CHODL: variants seen among roughly 807,000 people sequenced by gnomAD.
The protein encoded by CHODL is transmembrane protein MT75.
CHODL carries 29 observed loss-of-function variants against 34.5 expected under a neutral mutation model. The ratio of observed to expected loss-of-function variants is 0.84; its 90% confidence interval spans 0.63 to 1.15. CHODL has a LOEUF of 1.15. Ranked by LOEUF, CHODL falls within the 50% of genes most tolerant of loss-of-function variation. CHODL has a pLI of 0.00. For synonymous variants in CHODL, 125 were observed against 116.1 expected (o/e 1.08, Z -0.49); for missense variants, 332 against 332.5 (o/e 1.00, Z 0.01).
intron 2 of CHODL, among the ~76,000 whole-genome samples, chr21:18,141,460 A>G (rs1437058947): frequency 1.3e-5 from 2 of 152,080 alleles, no homozygotes; most frequent in African/African-American, 4.8e-5. Context: ...CTGAGTGTCC[A>G]AATCTTAGTG....
chr21:18,201,629 G>A (rs1284735676), intron 2 of CHODL, among the ~76,000 whole-genome samples: 1 of 151,970 alleles, frequency 6.6e-6, no homozygotes, highest in Non-Finnish European at 1.5e-5. Context: ...GTGAACAACT[G>A]ACATAATGAA....
intron 2 of CHODL, among the ~76,000 whole-genome samples, chr21:18,062,457 C>T: frequency 8.5e-6 from 1 of 117,086 alleles, no homozygotes; most frequent in East Asian, 2.0e-4. Flanking sequence ...GATCCTCCCA[C>T]CCTGGCCTCT....
At chr21:18,106,858 G>A (rs2146553802) in intron 2 of CHODL, among the ~76,000 whole-genome samples, 1 of 152,280 alleles carries the variant, frequency 6.6e-6, no homozygotes, top group East Asian at 1.9e-4. Context: ...AACACCAAAG[G>A]AGTCTTGGTT....
chr21:18,214,317 TTAAG>T (rs1332613341), intron 2 of CHODL, among the ~76,000 whole-genome samples: 2 of 152,130 alleles, frequency 1.3e-5, no homozygotes, highest in Non-Finnish European at 2.9e-5. Context: ...TCTCGTTACT[TTAAG>T]TAGTAATTAT....
intron 2 of CHODL, among the ~76,000 whole-genome samples, chr21:18,083,307 A>G (rs2064964535): frequency 1.3e-5 from 2 of 152,376 alleles, no homozygotes; most frequent in South Asian, 4.1e-4. Flanking sequence ...GATGTACGGA[A>G]AAGCCTGTAT....
intron 1 of CHODL, among the ~76,000 whole-genome samples, chr21:17,999,189 T>G (rs2063881340): frequency 6.6e-6 from 1 of 152,206 alleles, no homozygotes; most frequent in Non-Finnish European, 1.5e-5. Context: ...TGCTAAAACA[T>G]AACAAGAATC....
intron 1 of CHODL, among the ~76,000 whole-genome samples, chr21:17,977,512 A>C (rs1332155638): frequency 4.7e-5 from 7 of 150,244 alleles, no homozygotes; most frequent in Non-Finnish European, 1.0e-4. Context: ...AATATGCGCC[A>C]CTGCGCCCAG....
At chr21:18,064,103 C>T (rs749658777) in intron 2 of CHODL, among the ~76,000 whole-genome samples, 1 of 152,106 alleles carries the variant, frequency 6.6e-6, no homozygotes, top group Non-Finnish European at 1.5e-5. Flanking sequence ...CTTTTAAGAG[C>T]CTTTCTTTGT....
At chr21:18,206,792 T>G (rs60776643) in intron 2 of CHODL, among the ~76,000 whole-genome samples, 1 of 151,624 alleles carries the variant, frequency 6.6e-6, no homozygotes, top group South Asian at 2.1e-4. Flanking sequence ...TTACTTTTAA[T>G]TTTTTGTCTA....
At chr21:18,118,215 G>A (rs1329105847) in intron 2 of CHODL, among the ~76,000 whole-genome samples, 1 of 152,120 alleles carries the variant, frequency 6.6e-6, no homozygotes, top group Non-Finnish European at 1.5e-5. Flanking sequence ...CTCAGTAAAT[G>A]TTTATTGAGC....
intron 1 of CHODL, among the ~76,000 whole-genome samples, chr21:17,944,841 G>A (rs1297741273): frequency 6.6e-6 from 1 of 152,166 alleles, no homozygotes; most frequent in African/African-American, 2.4e-5. Flanking sequence ...CCAGGAGAAG[G>A]GGCTGTCTTT....
At chr21:18,066,234 A>C (rs1394367876) in intron 2 of CHODL, among the ~76,000 whole-genome samples, 1 of 152,166 alleles carries the variant, frequency 6.6e-6, no homozygotes, top group Non-Finnish European at 1.5e-5. Context: ...TTGTTCCATA[A>C]ATAAGGAACA....
At chr21:17,972,062 A>C (rs1395222433) in intron 1 of CHODL, among the ~76,000 whole-genome samples, 1 of 152,224 alleles carries the variant, frequency 6.6e-6, no homozygotes, top group East Asian at 1.9e-4. Flanking sequence ...GACAAAGACC[A>C]CATGATTATC....
At chr21:18,200,627 G>A (rs918687864) in intron 2 of CHODL, among the ~76,000 whole-genome samples, 3 of 152,128 alleles carry the variant, frequency 2.0e-5, no homozygotes, top group Non-Finnish European at 4.4e-5. Flanking sequence ...TGGAAAAAAA[G>A]ATTGAAGCAG....
In CHODL at chr21:18,256,967, C is replaced by T. The variant is rs1314044010; in HGVS notation, c.390-3C>T. The T allele has an allele frequency of 6.2e-7, 1 of 1,610,536 alleles. No individual in the cohort carries two copies. The highest frequency in any genetic ancestry group is 2.2e-5 in the East Asian group (1 of 44,858). On this transcript the variant is annotated splice_polypyrimidine_tract_variant and splice_region_variant and intron_variant, in intron 2 of 5. Transcript: ENST00000299295. ...GAGTGTTCCTATTACTCTCTGTTTGCAGAAACTGGTACACAGATGAACCTT... is the reference window on the plus strand; with the variant it reads ...GAGTGTTCCTATTACTCTCTGTTTGTAGAAACTGGTACACAGATGAACCTT...
At chr21:18,250,739 AG>A (rs1488783954) in intron 1 of CHODL, among the ~76,000 whole-genome samples, 2 of 151,802 alleles carry the variant, frequency 1.3e-5, no homozygotes, top group African/African-American at 2.4e-5. Context: ...TGTGATTGTG[AG>A]GGGGGTAAGA....
chr21:17,963,510 T>G (rs947885756), intron 1 of CHODL, among the ~76,000 whole-genome samples: 1 of 152,190 alleles, frequency 6.6e-6, no homozygotes, highest in African/African-American at 2.4e-5. Flanking sequence ...AGATAGCATA[T>G]GCAGGGGAAC....
rs1288728749 is a variant in CHODL, at chr21:18,101,676, C to G, written c.-45+73705C>G. Among the ~76,000 whole-genome samples the G allele has an allele frequency of 2.0e-5, 3 of 151,018 alleles. No homozygotes were observed. In the East Asian group the frequency reaches 5.8e-4, roughly 29 times the overall value. ...GAAAGGTAAGTGTTGAAGCCAGTAG[C>G]TGCATTTTCAGTATGACAATCTATT... is the stretch of plus-strand genomic sequence containing the variant. On this transcript the variant is annotated intron_variant, in intron 2 of 6. Coordinates refer to the CHODL transcript ENST00000400127.
At chr21:18,020,259 A>G (rs547671610) in intron 1 of CHODL, among the ~76,000 whole-genome samples, 1 of 152,304 alleles carries the variant, frequency 6.6e-6, no homozygotes, top group East Asian at 1.9e-4. Flanking sequence ...GTTGCTGGCC[A>G]TCTAGGGCAT....
Sources: gnomAD v4.1 joint callset for allele counts (sites outside exome capture counted in the v4.1 genomes callset) on GRCh38, gnomAD v4.1.1 for gene constraint, MANE v1.5 for transcripts, NCBI Gene and HGNC (gene_info 2026-07-23, HGNC 2026-07-21) for gene names.